The following FADS2 variants were observed in gnomAD, a reference collection of about 807,000 sequenced individuals.
The protein encoded by FADS2 is fatty acid desaturase 2, also known as acyl-CoA 6-desaturase.
In FADS2, 18 loss-of-function variants were observed where a neutral mutation model predicts 61.2. That is an observed-to-expected ratio of 0.29 (90% CI 0.20 to 0.44). The LOEUF is 0.44. Ranked by LOEUF, FADS2 falls within the 20% of genes least tolerant of loss-of-function variation. The pLI is 1.00. For synonymous variants in FADS2, 203 were observed against 223.9 expected, an observed-to-expected ratio of 0.91 and a Z score of 0.83; for missense variants, 322 against 572.7, an observed-to-expected ratio of 0.56 and a Z score of 4.47.
upstream of FADS2, chr11:61,826,653 C>T (rs936255000): frequency 1.9e-5 from 10 of 534,052 alleles, 1 homozygote; most frequent in South Asian, 4.5e-5. Context: ...TGCTCACACT[C>T]AAAGACAGAG....
intron 1 of FADS2, among the ~76,000 whole-genome samples, chr11:61,836,696 G>A (rs548388829): frequency 6.6e-6 from 1 of 152,348 alleles, no homozygotes; most frequent in East Asian, 1.9e-4. Context: ...TATCATTTTA[G>A]TCTCTTTTAA....
chr11:61,833,238 A>T (rs1297540423), intron 1 of FADS2, among the ~76,000 whole-genome samples: 3 of 152,146 alleles, frequency 2.0e-5, no homozygotes, highest in Non-Finnish European at 4.4e-5. Flanking sequence ...TCTTCCTGGA[A>T]AGTCTCTGGC....
upstream of FADS2, chr11:61,827,387 C>G (rs998621536): frequency 6.6e-6 from 1 of 152,628 alleles, no homozygotes; most frequent in African/African-American, 2.4e-5. This position sits in a 1 kb window ranked among gnomAD's most constrained non-coding sequence, Gnocchi z 4.5. Flanking sequence ...CCTCCCTTCC[C>G]CCTCACCGCA....
At chr11:61,828,020 C>G, upstream of FADS2, 2 of 1,124,726 alleles carry the variant, frequency 1.8e-6, no homozygotes, top group African/African-American at 3.3e-5. The surrounding 1 kb of genome is among the most constrained non-coding windows in gnomAD (Gnocchi z 6.4). Flanking sequence ...CGGCGGGGAA[C>G]GCGGGAGGAT....
At chr11:61,857,944 G>A (rs185552088) in intron 7 of FADS2, among the ~76,000 whole-genome samples, 92 of 152,328 alleles carry the variant, frequency 6.0e-4, no homozygotes, top group Non-Finnish European at 5.1e-4. Flanking sequence ...TGCGAAGACC[G>A]TATGACAAAG....
At position 61,828,833 on chromosome 11, in the gene FADS2, A is replaced by T; in HGVS notation, c.207+236A>T. On this transcript the variant is annotated intron_variant, in intron 1 of 11. Transcript: ENST00000278840. The surrounding 1 kb of genome is among the most constrained non-coding windows in gnomAD (Gnocchi z 6.4). ...GAGGCGGCGCTGCGGTGAAAGTCCC[A>T]GCGGTGGAGAACAGGGCAAGCATCT... 1 of 529,204 alleles carries T rather than the reference A, an allele frequency of 1.9e-6. No homozygotes were observed. The highest frequency in any genetic ancestry group is 3.4e-6 in the Non-Finnish European group (1 of 296,680). 32.8% of individuals were successfully genotyped at this position (529,204 alleles called of 1,614,324 possible). A position where few individuals can be genotyped will look rare whatever the true frequency, so the allele number is the denominator to read the frequency against.
chr11:61,825,924 G>A (rs138441334), upstream of FADS2: 317 of 610,786 alleles, frequency 5.2e-4, no homozygotes, highest in Non-Finnish European at 8.4e-4. Flanking sequence ...GAGGCACATG[G>A]CAGTGTCCAG....
intron 1 of FADS2, chr11:61,829,403 AAGAACACCCTTCCCTCATCTTGCACTCCT>A (rs1169025532): frequency 6.6e-6 from 1 of 152,212 alleles, no homozygotes; most frequent in Non-Finnish European, 1.5e-5. Context: ...AAATCCTGCC[AAGAACACCCTTCCCTCATCTTGCACTCCT>A]AAAGGTTGTG....
intron 1 of FADS2, chr11:61,821,432 A>G (rs1219204510): frequency 1.4e-6 from 1 of 701,940 alleles, no homozygotes; most frequent in East Asian, 2.7e-5. Context: ...ATAATTGAAT[A>G]ACCTAACTGC....
chr11:61,826,444 T>C (rs1482539213), upstream of FADS2: 4 of 683,486 alleles, frequency 5.9e-6, no homozygotes, highest in Non-Finnish European at 1.1e-5. Context: ...GCCTTTCAGC[T>C]ATCACTCCCT....
At chr11:61,845,407 G>A (rs557462660) in intron 4 of FADS2, among the ~76,000 whole-genome samples, 2 of 152,316 alleles carry the variant, frequency 1.3e-5, no homozygotes, top group South Asian at 2.1e-4. Flanking sequence ...CTGGGAACAC[G>A]GAGCTGGCCA....
At chr11:61,841,510 G>A (rs1170468144) in intron 4 of FADS2, among the ~76,000 whole-genome samples, 1 of 150,126 alleles carries the variant, frequency 6.7e-6, no homozygotes, top group East Asian at 2.0e-4. Flanking sequence ...ACCAGCCTGG[G>A]CAACATAGTG....
At chr11:61,824,502 G>GAAAGAAAGAAAGAAAGAAGAAAGAAA (rs140558358), upstream of FADS2, among the ~76,000 whole-genome samples, 2 of 21,688 alleles carry the variant, frequency 9.2e-5, no homozygotes, top group African/African-American at 1.4e-4. Flanking sequence ...AAGAAAGAAA[G>GAAAGAAAGAAAGAAAGAAGAAAGAAA]GAAAGAAAGA....
At chr11:61,847,371 C>T (rs992858696) in intron 4 of FADS2, 1 of 152,132 alleles carries the variant, frequency 6.6e-6, no homozygotes, top group African/African-American at 2.4e-5. Flanking sequence ...CACATCCCAA[C>T]CCCCTCACTC....
intron 1 of FADS2, among the ~76,000 whole-genome samples, chr11:61,819,823 G>A (rs1489646542): frequency 2.6e-5 from 4 of 151,644 alleles, no homozygotes; most frequent in African/African-American, 4.9e-5. Flanking sequence ...CCATTAACTC[G>A]TCATTTAGCA....
intron 1 of FADS2, among the ~76,000 whole-genome samples, chr11:61,819,948 C>T (rs562273822): frequency 5.5e-5 from 8 of 145,932 alleles, no homozygotes; most frequent in Admixed American, 2.9e-4. Flanking sequence ...CTAGGTTGGG[C>T]GCGGTGGCTC....
intron 4 of FADS2, among the ~76,000 whole-genome samples, chr11:61,843,549 C>G (rs545277969): frequency 6.6e-6 from 1 of 152,206 alleles, no homozygotes; most frequent in Non-Finnish European, 1.5e-5. Flanking sequence ...TAGGGTGAAA[C>G]AAGTAAGGCA....
chr11:61,835,756 C>G (rs116657199), intron 1 of FADS2, among the ~76,000 whole-genome samples: 4,153 of 152,200 alleles, frequency 0.027, 174 homozygotes, highest in African/African-American at 0.093. Flanking sequence ...AAGCAAACAC[C>G]TGTGTATCCT....
At position 61,816,731 on chromosome 11, in the gene FADS2, T is replaced by C. The variant is rs2066987998; in HGVS notation, c.141+305T>C. The C allele has an allele frequency of 1.3e-6, 2 of 1,559,176 alleles. No individual in the cohort carries two copies. Among genetic ancestry groups the C allele is most frequent in the Admixed American group, 1.9e-5 (1 of 52,338 alleles). On this transcript the variant is annotated intron_variant, in intron 1 of 11. Coordinates refer to the FADS2 transcript ENST00000257261. The surrounding 1 kb of genome is among the most constrained non-coding windows in gnomAD (Gnocchi z 7.0). ...CGCGGGGTAGGTCCCTGAGCCGCGG[T>C]CTCGGCGGCCACCGGGTCGGGGGCC...
Sources: allele counts gnomAD v4.1 joint callset (sites outside exome capture counted in the v4.1 genomes callset), GRCh38; gene constraint gnomAD v4.1.1; non-coding constraint Gnocchi (gnomAD v3.1); transcripts MANE v1.5; gene names NCBI Gene and HGNC (gene_info 2026-07-23, HGNC 2026-07-21).